Variants in ATP2B2 observed in about 807,000 individuals in gnomAD.
ATP2B2 encodes ATPase plasma membrane Ca2+ transporting 2.
Under a neutral mutation model 120.0 loss-of-function variants are expected in ATP2B2, and 15 were observed. The ratio of observed to expected loss-of-function variants is 0.12; its 90% CI spans 0.08 to 0.19. The LOEUF is 0.19. Ranked by LOEUF, ATP2B2 falls within the 10% of genes least tolerant of loss-of-function variation. The pLI, the probability that ATP2B2 is intolerant of heterozygous loss-of-function variation, is 1.00. For missense variants in ATP2B2, 1,045 were observed against 1,719.8 expected (o/e 0.61, Z 6.94); for synonymous variants, 694 against 700.3 (o/e 0.99, Z 0.14).
rs57211710 is a variant in ATP2B2, at chr3:10,499,931, CTT to C, written c.-320+5532_-320+5533del. On this transcript the variant is annotated intron_variant, in intron 1 of 22. Coordinates refer to ENST00000360273, the MANE Select transcript of ATP2B2 (RefSeq NM_001001331.4). ...ACTTGCTGTGTGACTTGGGCACATT[CTT>C]TTTTTTTTTTTTTTTTTTTTGAGAT... Among the ~76,000 whole-genome samples, 778 of 117,546 alleles carry C rather than the reference CTT, an allele frequency of 6.6e-3. 9 individuals are homozygous for C. Among genetic ancestry groups the C allele is most frequent in the African/African-American group, 0.026 (730 of 28,572 alleles). The allele number at this position is 117,546 out of a possible 152,430, so 77.1% of individuals were successfully genotyped here.
In ATP2B2 at chr3:10,340,091, C is replaced by G. The variant is rs1042210353; in HGVS notation, c.3237+151G>C. On this transcript the variant is annotated intron_variant, in intron 21 of 22. Coordinates refer to ENST00000360273, the MANE Select transcript of ATP2B2 (RefSeq NM_001001331.4). This position sits in a 1 kb window ranked among gnomAD's most constrained non-coding sequence, Gnocchi z 5.0. ...AGTACCCAGACGACCAGTATAGGAC[C>G]TGGGACAAACCCCCTTGCTCAGATG... 2 of 749,502 alleles carry G rather than the reference C, an allele frequency of 2.7e-6. No individual in the cohort carries two copies. Among genetic ancestry groups the G allele is most frequent in the African/African-American group, 3.4e-5 (2 of 58,022 alleles). 46.4% of individuals were successfully genotyped at this position (749,502 alleles called of 1,614,324 possible). A position where few individuals can be genotyped will look rare whatever the true frequency, so the allele number is the denominator to read the frequency against.
At position 10,429,755 on chromosome 3, in the gene ATP2B2, A is replaced by G. The variant is rs564321241; in HGVS notation, c.200-18940T>C. 9.2e-5 allele frequency among the ~76,000 whole-genome samples: 14 copies of G among 152,382 alleles called. No homozygotes were observed. The East Asian group carries it at 2.5e-3, about 27-fold the overall frequency. On this transcript the variant is annotated intron_variant, in intron 2 of 22. Transcript: ENST00000360273. ...GTCTCACTAAGATAGGCTGAAAGCT[A>G]GGCCTCTTATGCCAAATGGTTAGCC... is the stretch of plus-strand genomic sequence containing the variant.
chr3:10,360,527 C>G (rs2060867645), intron 12 of ATP2B2, among the ~76,000 whole-genome samples: 1 of 152,212 alleles, frequency 6.6e-6, no homozygotes, highest in Non-Finnish European at 1.5e-5. Context: ...CTGCATAATT[C>G]ACTCCTTGTC....
intron 1 of ATP2B2, among the ~76,000 whole-genome samples, chr3:10,488,503 C>G (rs199961329): frequency 2.1e-3 from 165 of 77,564 alleles, no homozygotes; most frequent in African/African-American, 6.5e-3. Flanking sequence ...TCCTTCCTTC[C>G]TTCGTTCCTT....
At chr3:10,560,472 C>T (rs564212479) in intron 2 of ATP2B2, among the ~76,000 whole-genome samples, 2 of 134,240 alleles carry the variant, frequency 1.5e-5, no homozygotes, top group Non-Finnish European at 3.3e-5. Flanking sequence ...CTTCAAATGC[C>T]CCATAGCCCC....
At chr3:10,509,603 T>G (rs753596720), upstream of ATP2B2, among the ~76,000 whole-genome samples, 4 of 152,172 alleles carry the variant, frequency 2.6e-5, no homozygotes, top group Non-Finnish European at 2.9e-5. Flanking sequence ...TAGGCCCCTC[T>G]CTCTGCGCCT....
In ATP2B2 at chr3:10,358,685, G is replaced by A. The variant is rs1414939923; in HGVS notation, c.2136+6C>T. The A allele has an allele frequency of 6.2e-7, 1 of 1,614,028 alleles. No individual in the cohort carries two copies. The highest frequency in any genetic ancestry group is 8.5e-7 in the Non-Finnish European group (1 of 1,179,952). ...TTTCCCTGAGCTCGCTGGCCCTGGG[G>A]CCTACCTCTGGCCGCACCGGGTCCT... On this transcript the variant is annotated splice_donor_region_variant and intron_variant, in intron 14 of 22. Coordinates refer to ENST00000360273, the MANE Select transcript of ATP2B2 (RefSeq NM_001001331.4).
At chr3:10,585,493 GAAAAAAAA>G (rs60670471) in intron 2 of ATP2B2, among the ~76,000 whole-genome samples, 2 of 28,506 alleles carry the variant, frequency 7.0e-5, no homozygotes, top group Admixed American at 5.1e-4. Context: ...GACTCCGTCT[GAAAAAAAA>G]AAAAAAAAAA....
intron 1 of ATP2B2, among the ~76,000 whole-genome samples, chr3:10,671,430 A>G (rs535034572): frequency 9.9e-5 from 15 of 152,274 alleles, no homozygotes; most frequent in Non-Finnish European, 1.9e-4. Flanking sequence ...GTCGAAGTAT[A>G]GATTCCAGCT....
At chr3:10,500,648 C>T (rs908866101) in intron 1 of ATP2B2, among the ~76,000 whole-genome samples, 3 of 152,010 alleles carry the variant, frequency 2.0e-5, no homozygotes, top group African/African-American at 7.2e-5. Flanking sequence ...GGCCACTGCC[C>T]GTAGCTAGGG....
intron 2 of ATP2B2, among the ~76,000 whole-genome samples, chr3:10,429,217 A>G (rs1056829106): frequency 2.6e-5 from 4 of 151,984 alleles, no homozygotes; most frequent in African/African-American, 7.3e-5. Context: ...CCCTTGTCTT[A>G]TTTCCTCCAG....
intron 1 of ATP2B2, among the ~76,000 whole-genome samples, chr3:10,694,624 G>A (rs2071715040): frequency 6.6e-6 from 1 of 152,204 alleles, no homozygotes; most frequent in Non-Finnish European, 1.5e-5. Flanking sequence ...CTGACCAGCA[G>A]AGTATATGGC....
intron 3 of ATP2B2, among the ~76,000 whole-genome samples, chr3:10,522,636 CAGG>C (rs1019285903): frequency 3.3e-4 from 50 of 152,350 alleles, no homozygotes; most frequent in African/African-American, 1.1e-3. Flanking sequence ...GAATCCCGAA[CAGG>C]AGTAGGCCTC....
chr3:10,422,236 G>A (rs1364866250), intron 2 of ATP2B2, among the ~76,000 whole-genome samples: 3 of 152,200 alleles, frequency 2.0e-5, no homozygotes, highest in African/African-American at 7.2e-5. Context: ...GGGTGGCCAC[G>A]TGCCCCCTGT....
intron 8 of ATP2B2, 146 bp downstream of exon 8, chr3:10,385,122 G>A: frequency 4.9e-6 from 4 of 817,406 alleles, no homozygotes; most frequent in Non-Finnish European, 6.2e-6. Flanking sequence ...TTAAGCGCCT[G>A]CCCCATGTGA....
intron 12 of ATP2B2, among the ~76,000 whole-genome samples, chr3:10,363,967 T>G (rs2060972381): frequency 6.6e-6 from 1 of 152,230 alleles, no homozygotes; most frequent in Non-Finnish European, 1.5e-5. Flanking sequence ...GTCTAAGAGT[T>G]GGACACAACC....
chr3:10,558,742 C>A (rs1444087933), intron 2 of ATP2B2, among the ~76,000 whole-genome samples: 2 of 151,608 alleles, frequency 1.3e-5, no homozygotes, highest in Non-Finnish European at 2.9e-5. Flanking sequence ...CAGCTCATAG[C>A]CTTTTTGGAA....
chr3:10,675,526 A>C (rs898777645), intron 1 of ATP2B2, among the ~76,000 whole-genome samples: 1 of 152,228 alleles, frequency 6.6e-6, no homozygotes, highest in Non-Finnish European at 1.5e-5. Flanking sequence ...GCTCTGGTGC[A>C]GTCCTGGCGC....
intron 2 of ATP2B2, among the ~76,000 whole-genome samples, chr3:10,552,403 G>A (rs966072547): frequency 3.3e-5 from 5 of 152,222 alleles, no homozygotes; most frequent in Admixed American, 1.3e-4. Context: ...CCTGCCTTCC[G>A]CCCAAAGTGA....
Sources: gnomAD v4.1 joint callset for allele counts (sites outside exome capture counted in the v4.1 genomes callset) on GRCh38, gnomAD v4.1.1 for gene constraint, Gnocchi (gnomAD v3.1) non-coding constraint, MANE v1.5 for transcripts, NCBI Gene and HGNC (gene_info 2026-07-23, HGNC 2026-07-21) for gene names.